Variants in CCDC91 observed in about 807,000 individuals in gnomAD.
CCDC91 encodes coiled-coil domain containing 91.
Under a neutral mutation model 63.2 loss-of-function variants are expected in CCDC91, and 48 were observed. The observed-to-expected ratio is 0.76, with a 90% CI of 0.60 to 0.97. The LOEUF (loss-of-function observed/expected upper bound fraction) is 0.97. Among genes scored for constraint, CCDC91 ranks in the 50% least tolerant of loss-of-function variants. The pLI, the probability that CCDC91 is intolerant of heterozygous loss-of-function variation, is 0.00. For missense variants in CCDC91, 500 were observed against 494.6 expected (o/e 1.01, Z -0.10); for synonymous variants, 167 against 165.8 (o/e 1.01, Z -0.06).
At chr12:28,199,698 A>G (rs1942059669) in intron 1 of CCDC91, among the ~76,000 whole-genome samples, 1 of 152,212 alleles carries the variant, frequency 6.6e-6, no homozygotes, top group South Asian at 2.1e-4. Context: ...TATTCAAAGA[A>G]TAGTTTTGCT....
intron 8 of CCDC91, among the ~76,000 whole-genome samples, chr12:28,430,590 G>A (rs1183735192): frequency 6.6e-6 from 1 of 152,022 alleles, no homozygotes; most frequent in African/African-American, 2.4e-5. Context: ...GAAAATGTTA[G>A]CATTCACTAT....
At chr12:28,235,837 A>G (rs944682312) in intron 1 of CCDC91, among the ~76,000 whole-genome samples, 3 of 151,722 alleles carry the variant, frequency 2.0e-5, no homozygotes, top group Admixed American at 1.3e-4. Flanking sequence ...GCGTAGTGTT[A>G]TTTTTGTGTA....
At position 28,356,363 on chromosome 12, in the gene CCDC91, T is replaced by G. The variant is rs16932774; in HGVS notation, c.577-6075T>G. 1.3e-3 allele frequency among the ~76,000 whole-genome samples: 191 copies of G among 152,238 alleles called. 1 individual carries two copies. In the East Asian group the frequency reaches 0.025, roughly 20 times the overall value. ...CTTCTGTATTGATGGTATGCACATA[T>G]GGTATAATCTTATCTTTTTTTGCAC... On this transcript the variant is annotated intron_variant, in intron 6 of 12. Coordinates refer to ENST00000536442, the MANE Select transcript of CCDC91 (RefSeq NM_018318.5).
chr12:28,529,929 G>A (rs1941596441), intron 12 of CCDC91, among the ~76,000 whole-genome samples: 1 of 152,048 alleles, frequency 6.6e-6, no homozygotes, highest in East Asian at 1.9e-4. Context: ...TAATTTAGGT[G>A]AATATTGATT....
chr12:28,317,581 G>T (rs1380494498), intron 6 of CCDC91, among the ~76,000 whole-genome samples: 4 of 151,944 alleles, frequency 2.6e-5, no homozygotes, highest in East Asian at 3.9e-4. Flanking sequence ...TTTTCAAGTA[G>T]TTTTTTTATT....
intron 1 of CCDC91, among the ~76,000 whole-genome samples, chr12:28,242,074 T>C (rs868582491): frequency 1.1e-4 from 16 of 151,900 alleles, no homozygotes; most frequent in Middle Eastern, 3.4e-3. Flanking sequence ...AAAGTTGTTA[T>C]AATATACTGT....
chr12:28,240,147 A>T (rs138287993), intron 1 of CCDC91, among the ~76,000 whole-genome samples: 1 of 152,206 alleles, frequency 6.6e-6, no homozygotes, highest in Non-Finnish European at 1.5e-5. Context: ...TTCATGTGCC[A>T]TATTTCTTAC....
At chr12:28,425,977 G>C (rs1281749794) in intron 8 of CCDC91, among the ~76,000 whole-genome samples, 1 of 152,168 alleles carries the variant, frequency 6.6e-6, no homozygotes, top group Admixed American at 6.6e-5. Context: ...TCGTGTTGCT[G>C]TATGTACGTG....
chr12:28,294,826 C>G (rs1450104146), intron 3 of CCDC91, among the ~76,000 whole-genome samples: 1 of 152,104 alleles, frequency 6.6e-6, no homozygotes, highest in Non-Finnish European at 1.5e-5. Flanking sequence ...CTCAGGTGAT[C>G]CACCTGCTTC....
intron 8 of CCDC91, among the ~76,000 whole-genome samples, chr12:28,417,668 T>C (rs1311798867): frequency 6.6e-6 from 1 of 151,084 alleles, no homozygotes; most frequent in African/African-American, 2.4e-5. Flanking sequence ...GTTAAATGAT[T>C]ACCACAGTCA....
chr12:28,477,453 A>G (rs1464037053), intron 11 of CCDC91, among the ~76,000 whole-genome samples: 2 of 152,190 alleles, frequency 1.3e-5, no homozygotes, highest in Non-Finnish European at 2.9e-5. Context: ...TAAATTAGGT[A>G]TTGATGGGAC....
At chr12:28,413,150 C>G (rs1457410594) in intron 8 of CCDC91, among the ~76,000 whole-genome samples, 1 of 152,042 alleles carries the variant, frequency 6.6e-6, no homozygotes, top group African/African-American at 2.4e-5. Context: ...TAAGCTAGAA[C>G]TCAGAACCAC....
At chr12:28,525,730 G>A (rs1016943524) in intron 12 of CCDC91, among the ~76,000 whole-genome samples, 1 of 151,984 alleles carries the variant, frequency 6.6e-6, no homozygotes, top group African/African-American at 2.4e-5. Flanking sequence ...TTATGTTGCT[G>A]TCTATCTCAT....
intron 6 of CCDC91, among the ~76,000 whole-genome samples, chr12:28,308,077 A>G: frequency 6.6e-6 from 1 of 152,036 alleles, no homozygotes; most frequent in African/African-American, 2.4e-5. Flanking sequence ...TGTAATCCAG[A>G]ACTGAGACAC....
chr12:28,259,465 G>C, intron 3 of CCDC91, 23 bp downstream of exon 3: 3 of 1,145,022 alleles, frequency 2.6e-6, no homozygotes, highest in Non-Finnish European at 3.7e-6. Flanking sequence ...AGGAATTAGG[G>C]TTTTTTTTTT....
At chr12:28,207,643 TTTGA>T (rs1942948923) in intron 1 of CCDC91, among the ~76,000 whole-genome samples, 1 of 152,240 alleles carries the variant, frequency 6.6e-6, no homozygotes, top group Admixed American at 6.5e-5. Context: ...TACCTGAAGC[TTTGA>T]TTGTCTTCTG....
chr12:28,386,479 C>T (rs1466120195), intron 7 of CCDC91, among the ~76,000 whole-genome samples: 2 of 152,144 alleles, frequency 1.3e-5, no homozygotes, highest in Admixed American at 6.6e-5. Flanking sequence ...AGCGATTCTC[C>T]TGCCTGAGCC....
chr12:28,243,135 A>G (rs1356159889), intron 1 of CCDC91, among the ~76,000 whole-genome samples: 3 of 152,198 alleles, frequency 2.0e-5, no homozygotes, highest in Admixed American at 1.3e-4. Flanking sequence ...GTTTACAGCA[A>G]ACAGACTTCA....
At chr12:28,195,934 A>C (rs1272889507) in intron 1 of CCDC91, among the ~76,000 whole-genome samples, 1 of 152,130 alleles carries the variant, frequency 6.6e-6, no homozygotes, top group Non-Finnish European at 1.5e-5. Flanking sequence ...GCAAAACCGC[A>C]TCTCTACAAA....
Sources: gnomAD v4.1 joint callset for allele counts (sites outside exome capture counted in the v4.1 genomes callset) on GRCh38, gnomAD v4.1.1 for gene constraint, MANE v1.5 for transcripts, NCBI Gene and HGNC (gene_info 2026-07-23, HGNC 2026-07-21) for gene names.